ANKRD28: variants seen among roughly 807,000 people sequenced by gnomAD.
The protein encoded by ANKRD28 is ankyrin repeat domain 28, also known as serine/threonine-protein phosphatase 6 regulatory ankyrin repeat subunit A.
Under a neutral mutation model 126.5 loss-of-function variants are expected in ANKRD28, and 44 were observed. The ratio of observed to expected loss-of-function variants is 0.35; its 90% CI spans 0.27 to 0.45. The LOEUF is 0.45. Ranked by LOEUF, ANKRD28 falls within the 20% of genes least tolerant of loss-of-function variation. The pLI is 1.00. For missense variants in ANKRD28, 1,110 were observed against 1,316.6 expected, an observed-to-expected ratio of 0.84 and a Z score of 2.43; for synonymous variants, 442 against 468.5, an observed-to-expected ratio of 0.94 and a Z score of 0.73.
rs552853203 is a variant in ANKRD28, at chr3:15,723,701, T to C, written c.783+681A>G. On this transcript the variant is annotated intron_variant, in intron 7 of 27. Transcript: ENST00000683139. The stretch of plus-strand genomic sequence containing the variant: ...TGGCAGGATCACTTGAGCCCAGGAG[T>C]TCAAGGTTGCAGTGAGCTGTGATTG... Among the ~76,000 whole-genome samples the C allele has an allele frequency of 6.3e-4, 96 of 152,024 alleles. 1 individual carries two copies. The highest frequency in any genetic ancestry group is 7.7e-4 in the Non-Finnish European group (52 of 67,950).
Position 15,737,245 on chromosome 3 carries a change from GAA to G in ANKRD28, c.352-14_352-13del. On this transcript the variant is annotated splice_polypyrimidine_tract_variant and intron_variant, in intron 4 of 27. Transcript: ENST00000683139. ...ACCTGAACTGCTTCCTAAAACATATGAAAAGTTATAAAAGACAAATGAGTTAA... is the reference window on the plus strand; with the variant it reads ...ACCTGAACTGCTTCCTAAAACATATGAAGTTATAAAAGACAAATGAGTTAA... 1.9e-6 allele frequency: 3 copies of G among 1,607,102 alleles called. No individual in the cohort carries two copies. Among genetic ancestry groups the G allele is most frequent in the Admixed American group, 1.7e-5 (1 of 58,726 alleles).
chr3:15,698,190 C>T (rs550000963), intron 14 of ANKRD28, among the ~76,000 whole-genome samples: 1 of 152,202 alleles, frequency 6.6e-6, no homozygotes, highest in South Asian at 2.1e-4. Context: ...AATTCAACAG[C>T]ACTTCATGCT....
intron 4 of ANKRD28, among the ~76,000 whole-genome samples, chr3:15,744,506 G>A (rs1291850226): frequency 5.5e-5 from 8 of 145,038 alleles, no homozygotes; most frequent in African/African-American, 2.1e-4. Context: ...TCATAGAGAT[G>A]GGGTTTCACC....
chr3:15,706,360 G>T (rs1307662141), intron 14 of ANKRD28, among the ~76,000 whole-genome samples: 1 of 68,390 alleles, frequency 1.5e-5, no homozygotes, highest in Non-Finnish European at 2.8e-5. Flanking sequence ...TTGTCCTTGC[G>T]ATAGTTTGCT....
intron 6 of ANKRD28, among the ~76,000 whole-genome samples, chr3:15,729,824 G>T (rs2074451942): frequency 1.3e-5 from 2 of 152,096 alleles, no homozygotes; most frequent in South Asian, 4.1e-4. Context: ...ATATGAAAAA[G>T]AAATATCTAC....
In ANKRD28 at chr3:15,838,204, T is replaced by C. The variant is rs528696527; in HGVS notation, c.27+21173A>G. Among the ~76,000 whole-genome samples the C allele has an allele frequency of 5.9e-5, 9 of 152,268 alleles. No individual in the cohort carries two copies. Among genetic ancestry groups the C allele is most frequent in the African/African-American group, 2.2e-4 (9 of 41,552 alleles). On this transcript the variant is annotated intron_variant, in intron 1 of 27. Transcript: ENST00000399451. The surrounding 1 kb of genome is among the most constrained non-coding windows in gnomAD (Gnocchi z 4.0). ...ATTTTACCAAACACTAAAGAAATAA[T>C]ATTAATCCTTCACAAACTCATCTAG...
intron 1 of ANKRD28, among the ~76,000 whole-genome samples, chr3:15,822,791 T>C (rs1287066967): frequency 6.6e-6 from 1 of 151,956 alleles, no homozygotes; most frequent in East Asian, 1.9e-4. Flanking sequence ...TAAATAGAAA[T>C]TCTGGAGCTA....
chr3:15,833,207 G>A lies in ANKRD28; in HGVS notation c.27+26170C>T, dbSNP rs1003097038. Among the ~76,000 whole-genome samples the A allele has an allele frequency of 5.9e-5, 9 of 151,958 alleles. No individual in the cohort carries two copies. Among genetic ancestry groups the A allele is most frequent in the South Asian group, 2.1e-4 (1 of 4,796 alleles). ...TTTAAGTCAGTGGGCTGGGAAAGGC[G>A]GATCTACCCTTAATCTGAGTAGGCA... On this transcript the variant is annotated intron_variant, in intron 1 of 27. Transcript: ENST00000399451. The surrounding 1 kb of genome is among the most constrained non-coding windows in gnomAD (Gnocchi z 4.4).
chr3:15,693,426 G>A (rs573751878), intron 17 of ANKRD28, among the ~76,000 whole-genome samples: 83 of 252 alleles, frequency 0.33, no homozygotes, highest in African/African-American at 0.45. Context: ...TTGAAGGGTG[G>A]GGTAGAATAC....
intron 13 of ANKRD28, among the ~76,000 whole-genome samples, chr3:15,708,275 A>G (rs1449960216): frequency 6.6e-6 from 1 of 152,200 alleles, no homozygotes; most frequent in East Asian, 1.9e-4. Flanking sequence ...AAATAAGATG[A>G]AAATGCAGTT....
At chr3:15,743,545 AACACACACACACACACACACACAC>A (rs4036221) in intron 4 of ANKRD28, among the ~76,000 whole-genome samples, 7 of 140,372 alleles carry the variant, frequency 5.0e-5, no homozygotes, top group Non-Finnish European at 1.1e-4. Context: ...GTGGCTTTTT[AACACACACACACACACACACACAC>A]ACACACACAC....
chr3:15,813,044 C>G (rs1012726197), intron 1 of ANKRD28, among the ~76,000 whole-genome samples: 4 of 135,368 alleles, frequency 3.0e-5, no homozygotes, highest in African/African-American at 1.0e-4. Flanking sequence ...TTTTAATCAC[C>G]TCCTTTTTTT....
At chr3:15,715,819 C>G (rs938596617) in intron 8 of ANKRD28, among the ~76,000 whole-genome samples, 1 of 151,926 alleles carries the variant, frequency 6.6e-6, no homozygotes, top group African/African-American at 2.4e-5. Flanking sequence ...CAGTGCTTCT[C>G]AGGATATATT....
At position 15,845,093 on chromosome 3, in the gene ANKRD28, G is replaced by C. The variant is rs893026458; in HGVS notation, c.27+14284C>G. On this transcript the variant is annotated intron_variant, in intron 1 of 27. Coordinates refer to the ANKRD28 transcript ENST00000399451. This position sits in a 1 kb window ranked among gnomAD's most constrained non-coding sequence, Gnocchi z 4.9. ...CACGAGAATGTAGAACAGTACCAAAGGGGAAATCCCCCATGATCCAATCAC... is the reference window on the plus strand; with the variant it reads ...CACGAGAATGTAGAACAGTACCAAACGGGAAATCCCCCATGATCCAATCAC... Among the ~76,000 whole-genome samples the C allele has an allele frequency of 3.9e-5, 6 of 152,104 alleles. No individual in the cohort carries two copies. Among genetic ancestry groups the C allele is most frequent in the African/African-American group, 1.4e-4 (6 of 41,396 alleles).
intron 18 of ANKRD28, among the ~76,000 whole-genome samples, chr3:15,689,427 A>T (rs1019354860): frequency 8.1e-4 from 123 of 152,378 alleles, no homozygotes; most frequent in African/African-American, 2.7e-3. Context: ...ATCCACTGCC[A>T]CTGCCCCCTG....
intron 18 of ANKRD28, 147 bp from the exon 19 acceptor site, chr3:15,686,456 G>A (rs1407953245): frequency 3.0e-6 from 2 of 665,690 alleles, no homozygotes; most frequent in Non-Finnish European, 5.1e-6. Flanking sequence ...GTAAAAAGAA[G>A]GTTTCTACGG....
At chr3:15,724,330 A>C (rs1196561089) in intron 7 of ANKRD28, 52 bp downstream of exon 7, 9 of 1,412,318 alleles carry the variant, frequency 6.4e-6, no homozygotes, top group Non-Finnish European at 8.6e-6. Flanking sequence ...ATAATGTAAT[A>C]GTAAGTATAA....
At chr3:15,678,649 C>A (rs1258152080) in intron 23 of ANKRD28, among the ~76,000 whole-genome samples, 1 of 152,078 alleles carries the variant, frequency 6.6e-6, no homozygotes, top group Non-Finnish European at 1.5e-5. Flanking sequence ...AGAAATAAAT[C>A]CTAATCTGAA....
intron 2 of ANKRD28, among the ~76,000 whole-genome samples, chr3:15,773,928 T>C (rs1001803238): frequency 7.9e-5 from 12 of 151,986 alleles, no homozygotes; most frequent in Non-Finnish European, 1.6e-4. Context: ...ATAATTACTA[T>C]AAAAGTGAAG....
Sources: allele counts gnomAD v4.1 joint callset (sites outside exome capture counted in the v4.1 genomes callset), GRCh38; gene constraint gnomAD v4.1.1; non-coding constraint Gnocchi (gnomAD v3.1); transcripts MANE v1.5; gene names NCBI Gene and HGNC (gene_info 2026-07-23, HGNC 2026-07-21).